LHPP: variants seen among roughly 807,000 people sequenced by gnomAD.
LHPP encodes the protein hLHPP.
A neutral mutation model predicts 30.3 loss-of-function variants in LHPP; 24 were observed. The observed-to-expected ratio is 0.79, with a 90% CI of 0.57 to 1.11. The LOEUF is 1.11. Among genes scored for constraint, LHPP ranks in the 50% most tolerant of loss-of-function variants. LHPP has a pLI of 0.00. For synonymous variants in LHPP, 150 were observed against 157.1 expected (o/e 0.95, Z 0.34); for missense variants, 356 against 367.2 (o/e 0.97, Z 0.25).
At chr10:124,474,954 G>A (rs1379533764) in intron 1 of LHPP, among the ~76,000 whole-genome samples, 2 of 151,798 alleles carry the variant, frequency 1.3e-5, no homozygotes, top group South Asian at 2.1e-4. Flanking sequence ...TGTCAGAGAC[G>A]TGGTTGTCAT....
intron 6 of LHPP, among the ~76,000 whole-genome samples, chr10:124,607,070 C>A (rs1347831476): frequency 3.9e-5 from 6 of 152,230 alleles, no homozygotes; most frequent in African/African-American, 1.4e-4. Context: ...TCTCTTCCTC[C>A]TCCTCCAGCT....
In LHPP at chr10:124,592,027, C is replaced by T. The variant is rs1447565473; in HGVS notation, c.717-21237C>T. ...AACACACCCTAGACAAGTCAGCACT[C>T]AAGTTTATATGGACAAATAAGCAAG... On this transcript the variant is annotated intron_variant, in intron 6 of 6. Coordinates refer to ENST00000368842, the MANE Select transcript of LHPP (RefSeq NM_022126.4). This position sits in a 1 kb window ranked among gnomAD's most constrained non-coding sequence, Gnocchi z 6.2. Among the ~76,000 whole-genome samples the T allele has an allele frequency of 6.6e-6, 1 of 152,136 alleles. No individual in the cohort carries two copies.
chr10:124,574,556 C>T (rs1318583547), intron 6 of LHPP, among the ~76,000 whole-genome samples: 1 of 152,160 alleles, frequency 6.6e-6, no homozygotes, highest in African/African-American at 2.4e-5. Flanking sequence ...CCGATCTGAA[C>T]CCGGCACCTG....
intron 1 of LHPP, among the ~76,000 whole-genome samples, chr10:124,475,469 A>T (rs1952916154): frequency 6.6e-6 from 1 of 151,788 alleles, no homozygotes. Flanking sequence ...TGAACCTGGG[A>T]GGCAGAGGTT....
chr10:124,493,267 C>T (rs550721536), intron 3 of LHPP, among the ~76,000 whole-genome samples: 46 of 152,100 alleles, frequency 3.0e-4, no homozygotes, highest in African/African-American at 3.9e-4. Context: ...AAGGAACCGG[C>T]GGTTTTAGGG....
chr10:124,525,173 G>A (rs1954701758), intron 6 of LHPP, among the ~76,000 whole-genome samples: 1 of 152,184 alleles, frequency 6.6e-6, no homozygotes, highest in Non-Finnish European at 1.5e-5. Context: ...GTACCGTTGA[G>A]CTGTGGCTTG....
intron 6 of LHPP, among the ~76,000 whole-genome samples, chr10:124,527,334 C>T (rs1468145320): frequency 1.3e-5 from 2 of 152,228 alleles, no homozygotes; most frequent in African/African-American, 2.4e-5. Context: ...GCTCAGAGGC[C>T]CCTGACTCCT....
At chr10:124,545,581 G>GC (rs1465099986) in intron 6 of LHPP, among the ~76,000 whole-genome samples, 1 of 152,176 alleles carries the variant, frequency 6.6e-6, no homozygotes, top group Non-Finnish European at 1.5e-5. Flanking sequence ...GCTGGCAGCT[G>GC]CTCCCAGGTA....
chr10:124,536,833 AC>A (rs886772581), intron 6 of LHPP, among the ~76,000 whole-genome samples: 13 of 152,138 alleles, frequency 8.5e-5, no homozygotes, highest in African/African-American at 2.9e-4. Context: ...ATTGGCTAGA[AC>A]AGTGCATCCT....
At chr10:124,501,395 A>T (rs1953892200) in intron 5 of LHPP, among the ~76,000 whole-genome samples, 1 of 151,690 alleles carries the variant, frequency 6.6e-6, no homozygotes, top group Admixed American at 6.6e-5. Context: ...TGAGGTCAGG[A>T]GTTCGAGATC....
At chr10:124,600,769 G>A (rs76573060) in intron 6 of LHPP, among the ~76,000 whole-genome samples, 2,231 of 152,320 alleles carry the variant, frequency 0.015, 56 homozygotes, top group African/African-American at 0.05. Flanking sequence ...AGATTTCTAG[G>A]AGGGCCGAGG....
rs1361405209 is a variant in LHPP at position 124,590,380 on chromosome 10, C to A, written c.717-22884C>A. Among the ~76,000 whole-genome samples the A allele has an allele frequency of 6.6e-6, 1 of 152,208 alleles. No individual in the cohort carries two copies. The highest frequency in any genetic ancestry group is 1.5e-5 in the Non-Finnish European group (1 of 68,042). Reference sequence around the variant, plus strand: ...AACCTTTCTTGGGCTCTGAAGGCGCCTCTCATCCTCTGAGCCAAGAAGACT... The same window carrying A: ...AACCTTTCTTGGGCTCTGAAGGCGCATCTCATCCTCTGAGCCAAGAAGACT... On this transcript the variant is annotated intron_variant, in intron 6 of 6. Coordinates refer to ENST00000368842, the MANE Select transcript of LHPP (RefSeq NM_022126.4). The surrounding 1 kb of genome is among the most constrained non-coding windows in gnomAD (Gnocchi z 4.3).
At chr10:124,611,019 G>A (rs1949190179) in intron 6 of LHPP, among the ~76,000 whole-genome samples, 1 of 115,576 alleles carries the variant, frequency 8.7e-6, no homozygotes. Flanking sequence ...GCGGGTGCGG[G>A]TGAGGGTGCT....
At chr10:124,562,375 A>C (rs917965739) in intron 6 of LHPP, among the ~76,000 whole-genome samples, 3 of 152,198 alleles carry the variant, frequency 2.0e-5, no homozygotes, top group African/African-American at 7.2e-5. Flanking sequence ...TTTAGAACTG[A>C]AAAATACAGT....
chr10:124,590,466 G>A lies in LHPP; in HGVS notation c.717-22798G>A, dbSNP rs1948868917. On this transcript the variant is annotated intron_variant, in intron 6 of 6. Coordinates refer to ENST00000368842, the MANE Select transcript of LHPP (RefSeq NM_022126.4). This position sits in a 1 kb window ranked among gnomAD's most constrained non-coding sequence, Gnocchi z 4.3. ...GCGTGGGCGATGGTGAGCAACTCCA[G>A]GCTACCCCGAGAAAGCCGCTGTGTG... Among the ~76,000 whole-genome samples the A allele has an allele frequency of 6.6e-6, 1 of 152,286 alleles. No individual in the cohort carries two copies. The highest frequency in any genetic ancestry group is 1.9e-4 in the East Asian group (1 of 5,180).
chr10:124,551,169 C>T (rs1052074434), intron 6 of LHPP, among the ~76,000 whole-genome samples: 1 of 152,150 alleles, frequency 6.6e-6, no homozygotes, highest in Non-Finnish European at 1.5e-5. Context: ...ATGGCTCCCC[C>T]CAGCCTCGCC....
intron 6 of LHPP, among the ~76,000 whole-genome samples, chr10:124,521,057 A>C (rs1483068780): frequency 6.6e-6 from 1 of 151,926 alleles, no homozygotes; most frequent in Non-Finnish European, 1.5e-5. Flanking sequence ...CTCCTCCTGC[A>C]CTGTCCCCTT....
chr10:124,499,497 CAAA>C (rs57108548), intron 5 of LHPP, among the ~76,000 whole-genome samples: 1 of 151,336 alleles, frequency 6.6e-6, no homozygotes, highest in Non-Finnish European at 1.5e-5. Flanking sequence ...TACAGAAAAA[CAAA>C]AAAAATTAGC....
At chr10:124,473,150 C>A (rs1023190941) in intron 1 of LHPP, among the ~76,000 whole-genome samples, 1 of 152,110 alleles carries the variant, frequency 6.6e-6, no homozygotes, top group Non-Finnish European at 1.5e-5. Context: ...GGTTGGAAGC[C>A]CTTGGCCAAT....
Sources: allele counts gnomAD v4.1 joint callset (sites outside exome capture counted in the v4.1 genomes callset), GRCh38; gene constraint gnomAD v4.1.1; non-coding constraint Gnocchi (gnomAD v3.1); transcripts MANE v1.5; gene names NCBI Gene and HGNC (gene_info 2026-07-23, HGNC 2026-07-21).